PRKAB1: variants seen among roughly 807,000 people sequenced by gnomAD.
The protein encoded by PRKAB1 is protein kinase AMP-activated non-catalytic subunit beta 1, also known as 5'-AMP-activated protein kinase subunit beta-1.
PRKAB1 carries 18 observed loss-of-function variants against 32.0 expected under a neutral mutation model. The observed-to-expected ratio is 0.56, with a 90% CI of 0.39 to 0.83. PRKAB1 has a LOEUF of 0.83. Ranked by LOEUF, PRKAB1 falls within the 40% of genes least tolerant of loss-of-function variation. The pLI, the probability that PRKAB1 is intolerant of heterozygous loss-of-function variation, is 0.00. For missense variants in PRKAB1, 263 were observed against 352.6 expected (o/e 0.75, Z 2.03); for synonymous variants, 141 against 141.4 (o/e 1.00, Z 0.02).
chr12:119,677,945 TA>T (rs1955438484), intron 5 of PRKAB1: 1 of 152,106 alleles, frequency 6.6e-6, no homozygotes. Flanking sequence ...TTTGTATTTT[TA>T]GTAAAGATGG....
intron 1 of PRKAB1, chr12:119,669,390 C>T (rs1458994338): frequency 1.3e-5 from 2 of 150,630 alleles, no homozygotes; most frequent in Non-Finnish European, 3.0e-5. Context: ...GCCTCAGCCT[C>T]CCGAGTAGCT....
chr12:119,669,269 TA>T (rs1955366729), intron 1 of PRKAB1, among the ~76,000 whole-genome samples: 1 of 143,930 alleles, frequency 6.9e-6, no homozygotes, highest in African/African-American at 2.6e-5. Flanking sequence ...CGGTTCAGCC[TA>T]CTTTTTTTTT....
At chr12:119,670,791 C>A (rs999158188) in intron 1 of PRKAB1, among the ~76,000 whole-genome samples, 48 of 152,172 alleles carry the variant, frequency 3.2e-4, no homozygotes, top group African/African-American at 1.1e-3. Flanking sequence ...CTATTTTGGT[C>A]ATAATTAGTT....
intron 4 of PRKAB1, 89 bp from the exon 5 acceptor site, chr12:119,676,448 C>T (rs1955426891): frequency 7.1e-7 from 1 of 1,400,764 alleles, no homozygotes; most frequent in African/African-American, 1.4e-5. Context: ...GAACAAGAGA[C>T]AAGGAAAATG....
intron 4 of PRKAB1, among the ~76,000 whole-genome samples, chr12:119,675,115 G>A (rs552388984): frequency 3.3e-4 from 50 of 152,354 alleles, no homozygotes; most frequent in African/African-American, 1.1e-3. Flanking sequence ...CATACAGTTC[G>A]GGGGAAGAGG....
In PRKAB1 at chr12:119,676,517, C is replaced by G. The variant is rs1478314115; in HGVS notation, c.533-20C>G. 6.3e-7 allele frequency: 1 copy of G among 1,589,740 alleles called. No homozygotes were observed. The highest frequency in any genetic ancestry group is 1.3e-5 in the African/African-American group (1 of 74,278). ...AATGCCTGATTTTCAAAGTAAAGTC[C>G]TGTTACCATCTCCCAACAGAGCTGT... On this transcript the variant is annotated intron_variant, in intron 4 of 6. Coordinates refer to ENST00000229328, the MANE Select transcript of PRKAB1 (RefSeq NM_006253.5).
chr12:119,674,924 G>A lies in PRKAB1; in HGVS notation c.532+470G>A, dbSNP rs1355382153. ...ACCTTGTCAGAATCCCTTTGGGGAG[G>A]ATGCGGCTCCCCACGGGAAACAGCC... On this transcript the variant is annotated intron_variant, in intron 4 of 6. Transcript: ENST00000229328. The surrounding 1 kb of genome is among the most constrained non-coding windows in gnomAD (Gnocchi z 4.3). Among the ~76,000 whole-genome samples, 2 of 152,234 alleles carry A rather than the reference G, an allele frequency of 1.3e-5. No individual in the cohort carries two copies. The highest frequency in any genetic ancestry group is 2.4e-5 in the African/African-American group (1 of 41,458).
chr12:119,676,079 C>T (rs898733435), intron 4 of PRKAB1, among the ~76,000 whole-genome samples: 3 of 152,198 alleles, frequency 2.0e-5, no homozygotes, highest in Admixed American at 6.5e-5. Context: ...GTTTTCTCCA[C>T]GGCCTCTGTG....
Position 119,668,305 on chromosome 12 carries a change from C to G in PRKAB1, c.61C>G (p.Arg21Gly). ...GCGGCATGGTGGCCATAAGACGCCC[C>G]GGAGGGACAGCTCGGGGGGCACCAA... ...LERHGGHKTP[R>G]RDSSGGTKDG... The change falls in exon 1 of 7, where the codon CGG becomes GGG. Residue 21 changes from arginine (R) to glycine (G), a missense_variant. Arg to Gly is a moderately radical substitution (Grantham distance 125). Coordinates refer to ENST00000229328, the MANE Select transcript of PRKAB1 (RefSeq NM_006253.5). 1 of 1,612,458 alleles carries G rather than the reference C, an allele frequency of 6.2e-7. No individual in the cohort carries two copies. Among genetic ancestry groups the G allele is most frequent in the Non-Finnish European group, 8.5e-7 (1 of 1,179,380 alleles).
intron 1 of PRKAB1, among the ~76,000 whole-genome samples, chr12:119,668,811 G>C (rs1955360840): frequency 6.6e-6 from 1 of 152,226 alleles, no homozygotes; most frequent in Non-Finnish European, 1.5e-5. Flanking sequence ...TTTTGTAAAA[G>C]TTAGTTTGGG....
intron 1 of PRKAB1, among the ~76,000 whole-genome samples, chr12:119,670,911 G>A (rs750167400): frequency 1.2e-4 from 19 of 152,172 alleles, no homozygotes; most frequent in Non-Finnish European, 2.1e-4. Context: ...TGAGATGAAG[G>A]TGCTAGAAGC....
chr12:119,680,007 G>A lies in PRKAB1; in HGVS notation c.735+6G>A. On this transcript the variant is annotated splice_donor_region_variant and intron_variant, in intron 6 of 6. Coordinates refer to ENST00000229328, the MANE Select transcript of PRKAB1 (RefSeq NM_006253.5). ...TATACGCGCTGTCTATCAAGGTAAT[G>A]ACATGTCTGTCCCCATGAGAGCTGT... 6.2e-7 allele frequency: 1 copy of A among 1,611,256 alleles called. No individual in the cohort carries two copies. The highest frequency in any genetic ancestry group is 1.1e-5 in the South Asian group (1 of 90,980).
chr12:119,676,406 A>C (rs1211662500), intron 4 of PRKAB1, 131 bp from the exon 5 acceptor site: 2 of 1,171,970 alleles, frequency 1.7e-6, no homozygotes, highest in Non-Finnish European at 2.4e-6. Flanking sequence ...GAACCAGTGC[A>C]TCCTTCAAGA....
At chr12:119,672,491 T>C (rs1313074782) in intron 2 of PRKAB1, 27 bp downstream of exon 2, 1 of 1,483,574 alleles carries the variant, frequency 6.7e-7, no homozygotes, top group Non-Finnish European at 9.0e-7. Context: ...TGTTCACATA[T>C]TTGTCTTAAC....
In PRKAB1 at chr12:119,676,615, C is replaced by T; in HGVS notation, c.611C>T (p.Pro204Leu). Residue 204 changes from proline to leucine, a missense_variant, in exon 5 of 7, where the codon CCT (proline) becomes CTT (leucine). By Grantham distance (98) the Pro-to-Leu change is moderately conservative. Coordinates refer to ENST00000229328, the MANE Select transcript of PRKAB1 (RefSeq NM_006253.5). ...CCCGAAGAGCGCTTTCGGGCACCCC[C>T]TATTCTCCCCCCACATCTCCTCCAG... The part of the protein sequence containing the change: ...CKPEERFRAP[P>L]ILPPHLLQVI... 1 of 1,614,080 alleles carries T rather than the reference C, an allele frequency of 6.2e-7. No individual in the cohort carries two copies. The highest frequency in any genetic ancestry group is 2.2e-5 in the East Asian group (1 of 44,870).
chr12:119,667,996 T>C, upstream of PRKAB1: 1 of 492,064 alleles, frequency 2.0e-6, no homozygotes, highest in South Asian at 3.1e-5. Context: ...TGGGAAAGTG[T>C]CGGTTTATCT....
intron 1 of PRKAB1, 72 bp downstream of exon 1, chr12:119,668,475 G>A: frequency 1.3e-6 from 2 of 1,553,870 alleles, no homozygotes; most frequent in African/African-American, 1.4e-5. Flanking sequence ...CTAGATTCCC[G>A]TCACATCCTT....
chr12:119,676,505 CAAAGT>C (rs1311983753), intron 4 of PRKAB1, 27 bp from the exon 5 acceptor site: 1 of 1,561,690 alleles, frequency 6.4e-7, no homozygotes, highest in South Asian at 1.2e-5. Flanking sequence ...GCCTGATTTT[CAAAGT>C]AAAGTCCTGT....
At position 119,668,365 on chromosome 12, in the gene PRKAB1, C is replaced by T. The variant is rs772422545; in HGVS notation, c.121C>T (p.Pro41Ser). The T allele has an allele frequency of 1.6e-5, 26 of 1,613,416 alleles. No individual in the cohort carries two copies. Among genetic ancestry groups the T allele is most frequent in the Non-Finnish European group, 1.2e-5 (14 of 1,179,754 alleles). The change falls in exon 1 of 7, where the codon CCC becomes TCC. Residue 41 changes from proline to serine, a missense_variant. Coordinates refer to ENST00000229328, the MANE Select transcript of PRKAB1 (RefSeq NM_006253.5). The stretch of plus-strand genomic sequence containing the variant: ...CAGGCCCAAGATCCTGATGGACAGC[C>T]CCGAAGACGCCGACCTCTTCCACTC... ...GDRPKILMDS[P>S]EDADLFHSEE...
Sources: gnomAD v4.1 joint callset for allele counts (sites outside exome capture counted in the v4.1 genomes callset) on GRCh38, gnomAD v4.1.1 for gene constraint, Gnocchi (gnomAD v3.1) non-coding constraint, MANE v1.5 for transcripts, NCBI Gene and HGNC (gene_info 2026-07-23, HGNC 2026-07-21) for gene names.